NCOR1: variants seen among roughly 807,000 people sequenced by gnomAD.
The protein encoded by NCOR1 is protein phosphatase 1, regulatory subunit 109.
A neutral mutation model predicts 288.1 loss-of-function variants in NCOR1; 63 were observed. That is an observed-to-expected ratio of 0.22 (90% CI 0.18 to 0.27). NCOR1 has a LOEUF of 0.27. Ranked by LOEUF, NCOR1 falls within the 10% of genes least tolerant of loss-of-function variation. The probability of loss-of-function intolerance (pLI) is 1.00; values close to 1 mark genes in which losing one functional copy is unlikely to be tolerated. For missense variants in NCOR1, 2,397 were observed against 3,019.2 expected, an observed-to-expected ratio of 0.79 and a Z score of 4.83; for synonymous variants, 1,007 against 1,065.9, an observed-to-expected ratio of 0.94 and a Z score of 1.08.
intron 8 of NCOR1, 136 bp from the exon 9 acceptor site, chr17:16,149,653 T>A (rs1262896922): frequency 2.5e-6 from 1 of 402,190 alleles, no homozygotes; most frequent in African/African-American, 2.1e-5. Context: ...TTAATCCTAA[T>A]TTTTTTACCC....
intron 42 of NCOR1, chr17:16,044,692 G>A (rs1165064383): frequency 1.9e-5 from 13 of 683,152 alleles, no homozygotes; most frequent in Non-Finnish European, 3.3e-5. Flanking sequence ...TGACCATCAC[G>A]GAGGATAAGA....
chr17:16,098,334 T>C (rs1254323761), intron 21 of NCOR1, 33 bp downstream of exon 21: 1 of 1,605,242 alleles, frequency 6.2e-7, no homozygotes, highest in South Asian at 1.1e-5. Flanking sequence ...CAGTTTTTCA[T>C]ATTTAGTTTT....
At chr17:16,190,304 C>T (rs1460845045) in intron 2 of NCOR1, among the ~76,000 whole-genome samples, 1 of 151,942 alleles carries the variant, frequency 6.6e-6, no homozygotes, top group Non-Finnish European at 1.5e-5. Flanking sequence ...TTTAAGAACT[C>T]AAATAATATA....
intron 14 of NCOR1, among the ~76,000 whole-genome samples, chr17:16,128,353 T>C (rs2075074887): frequency 6.6e-6 from 1 of 152,202 alleles, no homozygotes; most frequent in South Asian, 2.1e-4. Flanking sequence ...ACAGAGGAAC[T>C]CTGGGGCCAT....
intron 14 of NCOR1, among the ~76,000 whole-genome samples, chr17:16,127,711 GT>G (rs1568210933): frequency 4.5e-5 from 6 of 133,342 alleles, no homozygotes; most frequent in African/African-American, 1.6e-4. Context: ...ATATATGTGT[GT>G]GTATATATAC....
chr17:16,081,290 C>G (rs1037491973), intron 23 of NCOR1, among the ~76,000 whole-genome samples: 3 of 148,978 alleles, frequency 2.0e-5, no homozygotes, highest in Non-Finnish European at 3.0e-5. Flanking sequence ...TCACTGCAAC[C>G]TCCGCCTCCC....
In NCOR1 at chr17:16,205,818, T is replaced by C. The variant is rs1243528198; in HGVS notation, c.-71+9544A>G. Reference sequence around the variant, plus strand: ...TGGGAGTGGTGGTGCATGCCTGTAATCCCAGCTACTAGGGAGGCTGAGGCA... The same window carrying C: ...TGGGAGTGGTGGTGCATGCCTGTAACCCCAGCTACTAGGGAGGCTGAGGCA... On this transcript the variant is annotated intron_variant, in intron 1 of 45. Transcript: ENST00000268712. 9.3e-5 allele frequency among the ~76,000 whole-genome samples: 14 copies of C among 149,822 alleles called. No individual in the cohort carries two copies. In the Admixed American group the frequency reaches 9.4e-4, roughly 10 times the overall value.
In NCOR1 at chr17:16,070,207, T is replaced by C. The variant is rs779634290; in HGVS notation, c.4471A>G (p.Thr1491Ala). The change falls in exon 31 of 46, where the codon ACC becomes GCC. Residue 1491 changes from threonine to alanine, a missense_variant. By Grantham distance (58) the Thr-to-Ala change is moderately conservative (BLOSUM62 0). Coordinates refer to ENST00000268712, the MANE Select transcript of NCOR1 (RefSeq NM_006311.4). ...ARRTPVSYQN[T>A]MSRGSPMMNR... ...ATCATGGGTGAGCCTCTGGACATGGTGTTTTGATAACTCACAGGGGTCCTC... is the reference window on the plus strand; with the variant it reads ...ATCATGGGTGAGCCTCTGGACATGGCGTTTTGATAACTCACAGGGGTCCTC... 14 of 1,613,506 alleles carry C rather than the reference T, an allele frequency of 8.7e-6. No individual in the cohort carries two copies. The South Asian group carries it at 1.4e-4, about 16-fold the overall frequency.
At chr17:16,034,979 T>C in intron 44 of NCOR1, 35 bp from the exon 45 acceptor site, 1 of 1,592,310 alleles carries the variant, frequency 6.3e-7, no homozygotes, top group Non-Finnish European at 8.6e-7. Context: ...TATTAATATA[T>C]TAAGTTCTCA....
chr17:16,033,151 G>A (rs1433501586), intron 45 of NCOR1, among the ~76,000 whole-genome samples: 2 of 151,984 alleles, frequency 1.3e-5, no homozygotes, highest in African/African-American at 4.8e-5. Context: ...TTCAAGACCA[G>A]CCTGACCAAC....
At chr17:16,076,401 A>G (rs1405253778) in intron 26 of NCOR1, among the ~76,000 whole-genome samples, 1 of 152,228 alleles carries the variant, frequency 6.6e-6, no homozygotes, top group Admixed American at 6.5e-5. Flanking sequence ...TACAAAGGAA[A>G]CAAGAGCCTT....
At chr17:16,185,683 CAAAAAA>C (rs58712974) in intron 3 of NCOR1, among the ~76,000 whole-genome samples, 7 of 33,388 alleles carry the variant, frequency 2.1e-4, no homozygotes, top group Admixed American at 5.0e-4. Flanking sequence ...GACTCTTTCT[CAAAAAA>C]AAAAAAAAAA....
intron 31 of NCOR1, among the ~76,000 whole-genome samples, chr17:16,069,131 C>T: frequency 6.6e-6 from 1 of 152,182 alleles, no homozygotes; most frequent in East Asian, 1.9e-4. Flanking sequence ...GCTGTGTAAC[C>T]ATCACATCTA....
At chr17:16,087,426 C>G in intron 22 of NCOR1, 1 of 903,002 alleles carries the variant, frequency 1.1e-6, no homozygotes, top group East Asian at 6.3e-5. Context: ...CCCACACCAT[C>G]CAGGGGCTGA....
chr17:16,133,487 T>A (rs534847603), intron 14 of NCOR1, among the ~76,000 whole-genome samples: 1 of 152,228 alleles, frequency 6.6e-6, no homozygotes, highest in Non-Finnish European at 1.5e-5. Flanking sequence ...AGAAGTAAAG[T>A]GATTTTCAAA....
intron 10 of NCOR1, among the ~76,000 whole-genome samples, chr17:16,145,074 A>AT (rs2077686443): frequency 1.3e-5 from 2 of 151,996 alleles, no homozygotes; most frequent in Admixed American, 1.3e-4. Flanking sequence ...TGGTTTTTGT[A>AT]TTTTTTGGTG....
At chr17:16,196,551 C>A (rs1480854837) in intron 1 of NCOR1, among the ~76,000 whole-genome samples, 1 of 152,022 alleles carries the variant, frequency 6.6e-6, no homozygotes, top group Non-Finnish European at 1.5e-5. Context: ...GGCGGCTGGG[C>A]GTGGTGGCTC....
intron 42 of NCOR1, among the ~76,000 whole-genome samples, chr17:16,041,800 G>C (rs377298625): frequency 2.0e-5 from 3 of 151,708 alleles, no homozygotes; most frequent in Admixed American, 6.6e-5. Flanking sequence ...GCAGCGGTGC[G>C]ATCTTGGCTC....
chr17:16,047,194 T>C, intron 41 of NCOR1, 101 bp from the exon 42 acceptor site: 2 of 1,208,704 alleles, frequency 1.7e-6, no homozygotes, highest in South Asian at 3.2e-5. Flanking sequence ...AGAAAACTAC[T>C]GCCTCCTCAT....
Sources: gnomAD v4.1 joint callset for allele counts (sites outside exome capture counted in the v4.1 genomes callset) on GRCh38, gnomAD v4.1.1 for gene constraint, MANE v1.5 for transcripts, NCBI Gene and HGNC (gene_info 2026-07-23, HGNC 2026-07-21) for gene names.